PHB1: variants seen among roughly 807,000 people sequenced by gnomAD.
PHB1 encodes prohibitin 1.
At chr17:49,411,847 G>A in the PHB1 span, 1 of 1,612,762 alleles carries the variant, frequency 6.2e-7, no homozygotes, top group Non-Finnish European at 8.5e-7. Context: ...CCACTAGGAA[G>A]AAAGGACAAT....
At chr17:49,412,016 C>T in the PHB1 span, 9 of 586,216 alleles carry the variant, frequency 1.5e-5, no homozygotes, top group Admixed American at 9.5e-5. Flanking sequence ...ACTAAGCAGT[C>T]ACTTCCTGTT....
chr17:49,410,936 C>T, the PHB1 span, among the ~76,000 whole-genome samples: 1 of 152,190 alleles, frequency 6.6e-6, no homozygotes, highest in Non-Finnish European at 1.5e-5. Context: ...GAGAATTATA[C>T]TTTCCCCTGG....
At chr17:49,411,697 T>A in the PHB1 span, 1 of 1,614,134 alleles carries the variant, frequency 6.2e-7, no homozygotes, top group Non-Finnish European at 8.5e-7. Flanking sequence ...CAGTGATGAC[T>A]GGCACATTAC....
the PHB1 span, chr17:49,411,932 C>A: frequency 8.4e-7 from 1 of 1,195,604 alleles, no homozygotes; most frequent in South Asian, 1.5e-5. Flanking sequence ...GCTTTCTGTT[C>A]ACTTATTAAG....
the PHB1 span, among the ~76,000 whole-genome samples, chr17:49,413,717 C>T: frequency 2.0e-5 from 3 of 152,108 alleles, no homozygotes; most frequent in Admixed American, 6.5e-5. Context: ...GCTACGTTGC[C>T]CCAGGTGGTC....
chr17:49,408,004 G>C, the PHB1 span, among the ~76,000 whole-genome samples: 1 of 152,238 alleles, frequency 6.6e-6, no homozygotes. Flanking sequence ...GGTTTCTTGT[G>C]GTCAGCCCAC....
At chr17:49,406,054 A>G in the PHB1 span, among the ~76,000 whole-genome samples, 7 of 152,230 alleles carry the variant, frequency 4.6e-5, no homozygotes, top group South Asian at 2.1e-4. Flanking sequence ...TTGCTCAACA[A>G]ACATTTACTG....
the PHB1 span, chr17:49,413,366 G>GA: frequency 1.3e-6 from 1 of 780,046 alleles, no homozygotes; most frequent in Admixed American, 2.1e-5. Flanking sequence ...ACACACAACA[G>GA]TCACTTTTCA....
At chr17:49,405,184 C>T in the PHB1 span, 18 of 1,613,846 alleles carry the variant, frequency 1.1e-5, no homozygotes, top group Middle Eastern at 1.6e-4. Context: ...AGATGATGGC[C>T]GCCTTTTTCT....
chr17:49,408,981 G>A, the PHB1 span: 680 of 1,027,188 alleles, frequency 6.6e-4, 3 homozygotes, highest in South Asian at 6.2e-3. Flanking sequence ...CAGAAATGGA[G>A]CCAGGCACCT....
chr17:49,407,901 G>A, the PHB1 span, among the ~76,000 whole-genome samples: 1 of 152,166 alleles, frequency 6.6e-6, no homozygotes, highest in African/African-American at 2.4e-5. Context: ...AAAATGAAAT[G>A]TATAATTAAG....
chr17:49,406,938 A>G, the PHB1 span: 26 of 943,484 alleles, frequency 2.8e-5, no homozygotes, highest in Admixed American at 4.7e-4. Flanking sequence ...CGCTGGAAGA[A>G]GAGGCCAGCA....
the PHB1 span, chr17:49,406,688 C>G: frequency 9.3e-7 from 1 of 1,076,518 alleles, no homozygotes; most frequent in Non-Finnish European, 1.4e-6. Flanking sequence ...TCCAGGCCAC[C>G]CAGCAAATGG....
the PHB1 span, chr17:49,406,839 C>T: frequency 6.2e-6 from 10 of 1,613,344 alleles, no homozygotes; most frequent in Non-Finnish European, 8.5e-6. Flanking sequence ...AACTCCTTCC[C>T]GAAGGTCAGA....
At chr17:49,405,775 C>T in the PHB1 span, among the ~76,000 whole-genome samples, 2 of 151,918 alleles carry the variant, frequency 1.3e-5, no homozygotes, top group Admixed American at 1.3e-4. Flanking sequence ...CACAAACAAA[C>T]AAACAAACAA....
At chr17:49,414,803 A>G in the PHB1 span, 1 of 152,394 alleles carries the variant, frequency 6.6e-6, no homozygotes, top group East Asian at 1.9e-4. Context: ...AGATGCCCAG[A>G]AACGAGCCTT....
the PHB1 span, chr17:49,408,904 A>G: frequency 6.0e-6 from 4 of 662,340 alleles, no homozygotes; most frequent in Admixed American, 7.7e-5. Context: ...GCCTCACCTC[A>G]GCATGTTTCC....
the PHB1 span, chr17:49,413,315 A>T: frequency 1.0e-5 from 14 of 1,354,034 alleles, no homozygotes; most frequent in Non-Finnish European, 1.5e-5. Context: ...AACAAAATAC[A>T]ATCAAACTTG....
chr17:49,406,665 C>T, the PHB1 span: 3 of 859,706 alleles, frequency 3.5e-6, no homozygotes, highest in South Asian at 1.4e-5. Flanking sequence ...GAAGGGATGA[C>T]AGATGATGAA....
Sources: gnomAD v4.1 joint callset for allele counts (sites outside exome capture counted in the v4.1 genomes callset) on GRCh38, gnomAD v4.1.1 for gene constraint, MANE v1.5 for transcripts, NCBI Gene and HGNC (gene_info 2026-07-23, HGNC 2026-07-21) for gene names.